Variants in EPB41L4A observed in about 807,000 individuals in gnomAD.
EPB41L4A encodes band 4.1-like protein 4A.
A neutral mutation model predicts 108.6 loss-of-function variants in EPB41L4A; 100 were observed. The ratio of observed to expected loss-of-function variants is 0.92; its 90% CI spans 0.78 to 1.09. EPB41L4A has a LOEUF of 1.09. EPB41L4A is among the 50% of genes least tolerant of loss of function. EPB41L4A has a pLI of 0.00. For synonymous variants in EPB41L4A, 319 were observed against 289.0 expected, an observed-to-expected ratio of 1.10 and a Z score of -1.05; for missense variants, 1,030 against 842.7, an observed-to-expected ratio of 1.22 and a Z score of -2.75.
intron 12 of EPB41L4A, among the ~76,000 whole-genome samples, chr5:112,232,107 T>C (rs1277494952): frequency 1.4e-5 from 2 of 145,758 alleles, no homozygotes; most frequent in African/African-American, 2.6e-5. Context: ...AGGTGAAACC[T>C]TGTCTCAAAA....
chr5:112,272,443 A>AG (rs1204372001), intron 4 of EPB41L4A, among the ~76,000 whole-genome samples: 1 of 148,784 alleles, frequency 6.7e-6, no homozygotes, highest in Non-Finnish European at 1.5e-5. Context: ...ACCTGGCCCT[A>AG]ATTTTTTTAA....
chr5:112,261,809 TTA>T (rs1299512132), intron 7 of EPB41L4A, among the ~76,000 whole-genome samples: 1 of 152,128 alleles, frequency 6.6e-6, no homozygotes, highest in Non-Finnish European at 1.5e-5. Context: ...GTGATTGTAT[TTA>T]TGTTTTGCTG....
intron 1 of EPB41L4A, among the ~76,000 whole-genome samples, chr5:112,357,382 TAA>T (rs1329473782): frequency 1.3e-5 from 2 of 152,230 alleles, no homozygotes; most frequent in African/African-American, 4.8e-5. Flanking sequence ...GGCAATGGTA[TAA>T]AGAGATTGGG....
chr5:112,267,012 C>T (rs1311838734), intron 4 of EPB41L4A, among the ~76,000 whole-genome samples: 1 of 152,148 alleles, frequency 6.6e-6, no homozygotes, highest in Non-Finnish European at 1.5e-5. Flanking sequence ...CAGGACCTCA[C>T]AACAAATTAA....
At chr5:112,285,785 A>T (rs1236238480) in intron 2 of EPB41L4A, among the ~76,000 whole-genome samples, 7 of 152,210 alleles carry the variant, frequency 4.6e-5, no homozygotes. Flanking sequence ...ATGCAATAAT[A>T]ACAGCTAGCA....
intron 6 of EPB41L4A, chr5:112,263,272 T>C (rs562395384): frequency 5.3e-5 from 8 of 152,076 alleles, no homozygotes; most frequent in African/African-American, 1.4e-4. Context: ...GAGAGAGGGA[T>C]TGAGATTTTA....
At position 112,284,700 on chromosome 5, in the gene EPB41L4A, A is replaced by G. The variant is rs1479858613; in HGVS notation, c.205-4377T>C. Among the ~76,000 whole-genome samples the G allele has an allele frequency of 2.0e-5, 3 of 152,188 alleles. No individual in the cohort carries two copies. The East Asian group carries it at 5.8e-4, about 29-fold the overall frequency. ...CTGTATCCTAAACACTCCATCACTG[A>G]GGAGTCAGGGTGACAGTCCTCTCGG... On this transcript the variant is annotated intron_variant, in intron 2 of 22. Transcript: ENST00000261486.
Position 112,204,500 on chromosome 5 carries a change from GA to G in EPB41L4A, c.1263-13del. The G allele has an allele frequency of 2.5e-6, 4 of 1,576,914 alleles. No individual in the cohort carries two copies. Among genetic ancestry groups the G allele is most frequent in the South Asian group, 1.1e-5 (1 of 90,304 alleles). On this transcript the variant is annotated splice_polypyrimidine_tract_variant and intron_variant, in intron 14 of 22. Coordinates refer to ENST00000261486, the MANE Select transcript of EPB41L4A (RefSeq NM_022140.5). ...AATTGTAGAGTCCACTGGAGAGAAA[GA>G]AAAATGGTCAAAAAGAGCCCAGAGA...
intron 1 of EPB41L4A, among the ~76,000 whole-genome samples, chr5:112,391,430 G>A (rs1260880725): frequency 7.2e-5 from 11 of 152,236 alleles, no homozygotes; most frequent in East Asian, 1.9e-4. Flanking sequence ...ACTACATGAC[G>A]CATGTACAAG....
intron 1 of EPB41L4A, among the ~76,000 whole-genome samples, chr5:112,412,948 G>A (rs1271434662): frequency 6.6e-6 from 1 of 152,200 alleles, no homozygotes; most frequent in Non-Finnish European, 1.5e-5. Context: ...TTAGAGCAGT[G>A]TCAGATTAGG....
intron 1 of EPB41L4A, among the ~76,000 whole-genome samples, chr5:112,413,602 A>G (rs1762534595): frequency 6.6e-6 from 1 of 152,220 alleles, no homozygotes; most frequent in Non-Finnish European, 1.5e-5. Context: ...GCAGTGTGAC[A>G]GATGCTGTAA....
intron 12 of EPB41L4A, among the ~76,000 whole-genome samples, chr5:112,152,402 G>A (rs752806562): frequency 5.3e-5 from 8 of 152,058 alleles, no homozygotes; most frequent in Non-Finnish European, 8.8e-5. Context: ...TCCAAAATTC[G>A]TATGTTGAAA....
chr5:112,171,231 G>A (rs1056972489), intron 18 of EPB41L4A, among the ~76,000 whole-genome samples: 2 of 152,210 alleles, frequency 1.3e-5, no homozygotes, highest in Non-Finnish European at 2.9e-5. Context: ...TTCATTTAAT[G>A]AAAGACCTCA....
downstream of EPB41L4A, among the ~76,000 whole-genome samples, chr5:112,141,952 A>G (rs1759087190): frequency 6.6e-6 from 1 of 152,210 alleles, no homozygotes; most frequent in African/African-American, 2.4e-5. Flanking sequence ...GAACTATTCT[A>G]GAAGAATAAA....
At chr5:112,227,350 T>C (rs1205063255) in intron 12 of EPB41L4A, among the ~76,000 whole-genome samples, 4 of 152,094 alleles carry the variant, frequency 2.6e-5, no homozygotes, top group African/African-American at 9.7e-5. Context: ...ACCTCAGACA[T>C]TGACAGATGG....
intron 13 of EPB41L4A, among the ~76,000 whole-genome samples, chr5:112,209,591 T>C (rs1762632392): frequency 1.3e-5 from 2 of 152,264 alleles, no homozygotes; most frequent in Non-Finnish European, 2.9e-5. Context: ...GTCCATTATA[T>C]CATGCCATTT....
At chr5:112,340,624 T>A (rs1423581826) in intron 1 of EPB41L4A, among the ~76,000 whole-genome samples, 1 of 152,216 alleles carries the variant, frequency 6.6e-6, no homozygotes, top group African/African-American at 2.4e-5. Flanking sequence ...AGAACATCAA[T>A]TTTTAAATGG....
At chr5:112,201,868 T>C (rs1762237769) in intron 15 of EPB41L4A, among the ~76,000 whole-genome samples, 1 of 152,182 alleles carries the variant, frequency 6.6e-6, no homozygotes, top group South Asian at 2.1e-4. Context: ...TCCAATCCCA[T>C]GTGTGCCACA....
Position 112,204,422 on chromosome 5 carries a change from G to A in EPB41L4A, c.1329C>T (p.Asn443=), listed in dbSNP as rs374370119. The A allele has an allele frequency of 1.2e-6, 2 of 1,613,896 alleles. No individual in the cohort carries two copies. The highest frequency in any genetic ancestry group is 2.7e-5 in the African/African-American group (2 of 74,920). Residue 443 remains asparagine (N), a synonymous_variant, in exon 15 of 23, where the codon AAC becomes AAT. Transcript: ENST00000261486. ...AATCATTGTCACTTCCACAGGAGGG[G>A]TTTCGGCGACGCGTGTAAGGGAACT... is the stretch of plus-strand genomic sequence containing the variant. ...SPKFPYTRRR[N]PSCGSDNDSV...
Sources: allele counts gnomAD v4.1 joint callset (sites outside exome capture counted in the v4.1 genomes callset), GRCh38; gene constraint gnomAD v4.1.1; transcripts MANE v1.5; gene names NCBI Gene and HGNC (gene_info 2026-07-23, HGNC 2026-07-21).